KCNIP4: variants seen among roughly 807,000 people sequenced by gnomAD.
KCNIP4 encodes the protein Kv channel-interacting protein 4.
Under a neutral mutation model 34.0 loss-of-function variants are expected in KCNIP4, and 12 were observed. The observed-to-expected ratio is 0.35, with a 90% confidence interval of 0.23 to 0.57. The LOEUF is 0.57. Ranked by LOEUF, KCNIP4 falls within the 20% of genes least tolerant of loss-of-function variation. The pLI, the probability that KCNIP4 is intolerant of heterozygous loss-of-function variation, is 0.83. For missense variants in KCNIP4, 238 were observed against 311.7 expected (o/e 0.76, Z 1.78); for synonymous variants, 124 against 102.2 (o/e 1.21, Z -1.29).
chr4:21,695,364 CTA>C (rs1409785838), intron 1 of KCNIP4, among the ~76,000 whole-genome samples: 1 of 151,684 alleles, frequency 6.6e-6, no homozygotes, highest in Admixed American at 6.6e-5. Flanking sequence ...GGTCATAAAT[CTA>C]TGTTACTACT....
chr4:21,430,212 C>T (rs1283642831), intron 1 of KCNIP4, among the ~76,000 whole-genome samples: 3 of 151,992 alleles, frequency 2.0e-5, no homozygotes, highest in Non-Finnish European at 4.4e-5. Context: ...TAACATGATT[C>T]AATACAAACA....
intron 1 of KCNIP4, among the ~76,000 whole-genome samples, chr4:21,454,005 T>G (rs565615526): frequency 2.6e-5 from 4 of 152,150 alleles, no homozygotes; most frequent in African/African-American, 9.6e-5. Flanking sequence ...TGTGAAAGCA[T>G]TGGGATAATG....
intron 1 of KCNIP4, among the ~76,000 whole-genome samples, chr4:20,986,004 T>C (rs984659805): frequency 1.3e-5 from 2 of 152,182 alleles, no homozygotes; most frequent in African/African-American, 4.8e-5. Context: ...CCCTTTCTCA[T>C]GGTTGATGTA....
chr4:20,740,801 T>C (rs915877901), intron 5 of KCNIP4, among the ~76,000 whole-genome samples: 1 of 152,110 alleles, frequency 6.6e-6, no homozygotes. Flanking sequence ...TCAAGATCCA[T>C]CAGTGTGCTG....
At chr4:20,745,974 C>T (rs1752331512) in intron 5 of KCNIP4, among the ~76,000 whole-genome samples, 1 of 152,162 alleles carries the variant, frequency 6.6e-6, no homozygotes, top group Non-Finnish European at 1.5e-5. Flanking sequence ...TGTGGCGATT[C>T]CTCAAGGATC....
intron 2 of KCNIP4, among the ~76,000 whole-genome samples, chr4:20,869,742 G>C (rs1416516025): frequency 6.6e-6 from 1 of 152,110 alleles, no homozygotes; most frequent in Non-Finnish European, 1.5e-5. Context: ...TTACAGTAAT[G>C]ATGACTATTA....
At chr4:20,956,813 G>T (rs1027651789) in intron 1 of KCNIP4, among the ~76,000 whole-genome samples, 1 of 152,148 alleles carries the variant, frequency 6.6e-6, no homozygotes, top group African/African-American at 2.4e-5. Flanking sequence ...ATGAGATGCT[G>T]GACAGGATAG....
At chr4:21,450,270 A>G (rs1023426460) in intron 1 of KCNIP4, among the ~76,000 whole-genome samples, 4 of 152,174 alleles carry the variant, frequency 2.6e-5, no homozygotes, top group Non-Finnish European at 4.4e-5. Context: ...TGACTATACT[A>G]TAGTAAAAAA....
chr4:21,177,143 T>C (rs1010568086), intron 1 of KCNIP4, among the ~76,000 whole-genome samples: 7 of 152,120 alleles, frequency 4.6e-5, no homozygotes, highest in African/African-American at 1.4e-4. Context: ...ATGCCTACTA[T>C]ATATAGGATT....
chr4:21,629,849 C>CTTTTTTTTTTTTTTTTTTTTTTT lies in KCNIP4; in HGVS notation c.61+318721_61+318722insAAAAAAAAAAAAAAAAAAAAAAA, dbSNP rs5856652. 9.1e-4 allele frequency among the ~76,000 whole-genome samples: 80 copies of CTTTTTTTTTTTTTTTTTTTTTTT among 87,782 alleles called. 2 individuals are homozygous for CTTTTTTTTTTTTTTTTTTTTTTT. The highest frequency in any genetic ancestry group is 1.3e-3 in the Non-Finnish European group (63 of 50,160). 57.6% of individuals were successfully genotyped at this position (87,782 alleles called of 152,430 possible). On this transcript the variant is annotated intron_variant, in intron 1 of 8. Transcript: ENST00000382152. ...ACCATATTTCCTTTTCTTTTTCTTTCTTTTTTTTTTTTTTTTTTTGAGACA... is the reference window on the plus strand; with the variant it reads ...ACCATATTTCCTTTTCTTTTTCTTTCTTTTTTTTTTTTTTTTTTTTTTTTTTTTTTTTTTTTTTTTTTGAGACA...
chr4:21,757,204 AAAG>A (rs1717669926), intron 1 of KCNIP4, among the ~76,000 whole-genome samples: 4 of 20,970 alleles, frequency 1.9e-4, no homozygotes. Context: ...GGAAGGAAAG[AAAG>A]AAAGAAAGAA....
At chr4:21,388,393 G>A (rs979283638) in intron 1 of KCNIP4, among the ~76,000 whole-genome samples, 1 of 151,650 alleles carries the variant, frequency 6.6e-6, no homozygotes, top group Non-Finnish European at 1.5e-5. Flanking sequence ...TCATAATGAG[G>A]CTTTCTTCAA....
chr4:21,725,772 T>C (rs1005002998), intron 1 of KCNIP4, among the ~76,000 whole-genome samples: 1 of 152,168 alleles, frequency 6.6e-6, no homozygotes, highest in Non-Finnish European at 1.5e-5. Flanking sequence ...TGATGAAGAC[T>C]GTTTTATTCT....
chr4:21,120,793 C>T (rs1410739579), intron 1 of KCNIP4, among the ~76,000 whole-genome samples: 1 of 152,140 alleles, frequency 6.6e-6, no homozygotes, highest in Non-Finnish European at 1.5e-5. Context: ...CCATATCAGT[C>T]CTAATCTCTT....
intron 1 of KCNIP4, among the ~76,000 whole-genome samples, chr4:21,433,654 CAGTA>C (rs1382702508): frequency 6.6e-6 from 1 of 152,094 alleles, no homozygotes; most frequent in Non-Finnish European, 1.5e-5. Flanking sequence ...TCCTAGGTGT[CAGTA>C]ATTGGTACCT....
intron 1 of KCNIP4, among the ~76,000 whole-genome samples, chr4:21,104,293 G>C (rs1237821045): frequency 6.6e-6 from 1 of 152,098 alleles, no homozygotes; most frequent in Admixed American, 6.5e-5. Context: ...ATTCTAACTG[G>C]TGTGAGATGG....
intron 2 of KCNIP4, among the ~76,000 whole-genome samples, chr4:20,879,241 G>A (rs928383270): frequency 3.3e-5 from 5 of 152,128 alleles, no homozygotes; most frequent in South Asian, 2.1e-4. Context: ...TGGTTGAGGC[G>A]ATACTAGTGT....
chr4:21,307,253 T>A (rs1156358913), intron 1 of KCNIP4, among the ~76,000 whole-genome samples: 3 of 152,132 alleles, frequency 2.0e-5, no homozygotes, highest in African/African-American at 7.2e-5. Context: ...TTTCTTTTTT[T>A]AAATGTTTAT....
chr4:20,828,500 A>G (rs1336515448), intron 3 of KCNIP4, among the ~76,000 whole-genome samples: 1 of 152,208 alleles, frequency 6.6e-6, no homozygotes. Context: ...CCATATTGTG[A>G]TAAGGGAATA....
Sources: allele counts gnomAD v4.1 joint callset (sites outside exome capture counted in the v4.1 genomes callset), GRCh38; gene constraint gnomAD v4.1.1; transcripts MANE v1.5; gene names NCBI Gene and HGNC (gene_info 2026-07-23, HGNC 2026-07-21).